Variants in BMP5 observed in about 807,000 individuals in gnomAD.
The protein encoded by BMP5 is bone morphogenetic protein 5.
Under a neutral mutation model 46.6 loss-of-function variants are expected in BMP5, and 23 were observed. The observed-to-expected ratio is 0.49, with a 90% confidence interval of 0.35 to 0.70. The LOEUF is 0.70. Ranked by LOEUF, BMP5 falls within the 30% of genes least tolerant of loss-of-function variation. The probability of loss-of-function intolerance (pLI) is 0.00; values close to 1 mark genes in which losing one functional copy is unlikely to be tolerated. For synonymous variants in BMP5, 204 were observed against 191.9 expected (o/e 1.06, Z -0.52); for missense variants, 545 against 565.6 (o/e 0.96, Z 0.37).
At chr6:55,871,274 T>A (rs1372001231) in intron 1 of BMP5, among the ~76,000 whole-genome samples, 1 of 151,878 alleles carries the variant, frequency 6.6e-6, no homozygotes, top group African/African-American at 2.4e-5. Context: ...AATAATATTA[T>A]ATTGACCAAG....
chr6:55,775,055 A>T (rs1775141154), intron 3 of BMP5, among the ~76,000 whole-genome samples: 1 of 151,964 alleles, frequency 6.6e-6, no homozygotes, highest in East Asian at 1.9e-4. Flanking sequence ...TCAAGACTCA[A>T]ATTTGCCTAT....
intron 2 of BMP5, among the ~76,000 whole-genome samples, chr6:55,797,379 A>G (rs1304689201): frequency 6.6e-6 from 1 of 152,326 alleles, no homozygotes; most frequent in African/African-American, 2.4e-5. Flanking sequence ...TTCTTACAAT[A>G]TCCAATAAAA....
intron 2 of BMP5, among the ~76,000 whole-genome samples, chr6:55,816,487 T>G (rs1326856562): frequency 6.6e-6 from 1 of 152,164 alleles, no homozygotes; most frequent in Non-Finnish European, 1.5e-5. Context: ...TAGTATTCAC[T>G]ATATATGCCT....
At chr6:55,841,924 G>C (rs1430045321) in intron 1 of BMP5, among the ~76,000 whole-genome samples, 2 of 151,952 alleles carry the variant, frequency 1.3e-5, no homozygotes, top group Non-Finnish European at 2.9e-5. Flanking sequence ...GACAGAGAGA[G>C]AGAGAGAGAG....
At chr6:55,852,159 C>A (rs1196624535) in intron 1 of BMP5, among the ~76,000 whole-genome samples, 1 of 151,962 alleles carries the variant, frequency 6.6e-6, no homozygotes, top group East Asian at 1.9e-4. Flanking sequence ...TCTATTATAG[C>A]AATATATAAA....
Position 55,794,415 on chromosome 6 carries a change from C to T in BMP5, c.696G>A (p.Leu232=), listed in dbSNP as rs750563569. 1.2e-6 allele frequency: 2 copies of T among 1,613,820 alleles called. No homozygotes were observed. The highest frequency in any genetic ancestry group is 1.1e-5 in the South Asian group (1 of 91,078). The change falls in exon 3 of 7, where the codon CTG becomes CTA. Residue 232 remains leucine (L), a synonymous_variant. Coordinates refer to ENST00000370830, the MANE Select transcript of BMP5 (RefSeq NM_021073.4). ...IKEYTNRDAD[L]FLLDTRKAQA... ...GGGCCTTTCTTGTGTCTAACAAGAA[C>T]AGATCTGCATCCCTAAAAAGAAAAG...
intron 1 of BMP5, among the ~76,000 whole-genome samples, chr6:55,845,561 T>C (rs1299750638): frequency 6.6e-6 from 1 of 152,018 alleles, no homozygotes; most frequent in Non-Finnish European, 1.5e-5. Flanking sequence ...CTCTGGGTGA[T>C]AGCAACATTG....
intron 1 of BMP5, among the ~76,000 whole-genome samples, chr6:55,846,045 A>T (rs897503560): frequency 3.9e-5 from 6 of 151,986 alleles, no homozygotes; most frequent in Admixed American, 1.3e-4. Context: ...TTTTCTAATG[A>T]GTCCCTCATA....
At chr6:55,776,883 G>A (rs1032597357) in intron 3 of BMP5, among the ~76,000 whole-genome samples, 18 of 151,836 alleles carry the variant, frequency 1.2e-4, no homozygotes, top group African/African-American at 2.9e-4. Flanking sequence ...GAAATAATAC[G>A]GATCTGAAGA....
At chr6:55,863,872 C>G (rs1207976527) in intron 1 of BMP5, among the ~76,000 whole-genome samples, 1 of 152,064 alleles carries the variant, frequency 6.6e-6, no homozygotes, top group African/African-American at 2.4e-5. Context: ...AGCTTAGGAG[C>G]AATAGGCTTT....
chr6:55,827,278 C>G (rs1439199374), intron 1 of BMP5, among the ~76,000 whole-genome samples: 1 of 151,656 alleles, frequency 6.6e-6, no homozygotes, highest in Non-Finnish European at 1.5e-5. Context: ...TTTCCTCTGA[C>G]CTGAGTGCTC....
intron 2 of BMP5, among the ~76,000 whole-genome samples, chr6:55,811,663 C>T (rs1028263847): frequency 4.0e-5 from 6 of 151,720 alleles, no homozygotes; most frequent in African/African-American, 9.7e-5. Flanking sequence ...CTCTCTCTCT[C>T]TCCCTCCTTC....
intron 3 of BMP5, among the ~76,000 whole-genome samples, chr6:55,780,099 C>T (rs1191290164): frequency 6.6e-6 from 1 of 151,610 alleles, no homozygotes; most frequent in African/African-American, 2.4e-5. Flanking sequence ...AAAAAAGCCA[C>T]TTTGCCAGTA....
At chr6:55,830,729 C>G (rs537530026) in intron 1 of BMP5, among the ~76,000 whole-genome samples, 1 of 152,072 alleles carries the variant, frequency 6.6e-6, no homozygotes, top group East Asian at 1.9e-4. Flanking sequence ...TTACATAAAA[C>G]CTAAATTTAC....
At chr6:55,861,746 T>C (rs556497916) in intron 1 of BMP5, among the ~76,000 whole-genome samples, 6 of 152,322 alleles carry the variant, frequency 3.9e-5, no homozygotes, top group Admixed American at 3.9e-4. Context: ...TTTATGCCAT[T>C]TTATGTCCCT....
chr6:55,797,878 A>G (rs1337151124), intron 2 of BMP5, among the ~76,000 whole-genome samples: 1 of 152,020 alleles, frequency 6.6e-6, no homozygotes, highest in Non-Finnish European at 1.5e-5. Context: ...GGCCTCCCAA[A>G]GTGCTGGGAT....
Position 55,754,279 on chromosome 6 carries a change from G to A in BMP5, c.*1254C>T, listed in dbSNP as rs1041636250. ...CTTAGAGGGCATTCTAATAGATAGA[G>A]AAAATAAATTAATTTTAGAGGGAAG... On this transcript the variant is annotated 3_prime_UTR_variant, in exon 7 of 7. Transcript: ENST00000370830. The A allele has an allele frequency of 2.0e-5, 3 of 150,878 alleles. No homozygotes were observed. The highest frequency in any genetic ancestry group is 4.4e-5 in the Non-Finnish European group (3 of 67,718). The allele number at this position is 150,878 out of a possible 1,614,324, so 9.3% of individuals were successfully genotyped here. A position where few individuals can be genotyped will look rare whatever the true frequency, so the allele number is the denominator to read the frequency against.
At chr6:55,767,655 T>G (rs1186232869) in intron 4 of BMP5, among the ~76,000 whole-genome samples, 1 of 151,970 alleles carries the variant, frequency 6.6e-6, no homozygotes, top group Non-Finnish European at 1.5e-5. Context: ...TCCAGAATTT[T>G]TCATGATTCA....
intron 1 of BMP5, among the ~76,000 whole-genome samples, chr6:55,827,471 T>C (rs1183424206): frequency 6.6e-6 from 1 of 151,722 alleles, no homozygotes; most frequent in African/African-American, 2.4e-5. Context: ...TGTTTATATA[T>C]TGGTGGAACA....
Sources: gnomAD v4.1 joint callset for allele counts (sites outside exome capture counted in the v4.1 genomes callset) on GRCh38, gnomAD v4.1.1 for gene constraint, MANE v1.5 for transcripts, NCBI Gene and HGNC (gene_info 2026-07-23, HGNC 2026-07-21) for gene names.